RGS7: variants seen among roughly 807,000 people sequenced by gnomAD.
The protein encoded by RGS7 is regulator of G-protein signaling 7.
Under a neutral mutation model 81.1 loss-of-function variants are expected in RGS7, and 27 were observed. That is an observed-to-expected ratio of 0.33 (90% CI 0.25 to 0.46). RGS7 has a LOEUF of 0.46. Among genes scored for constraint, RGS7 ranks in the 20% least tolerant of loss-of-function variants. The pLI, the probability that RGS7 is intolerant of heterozygous loss-of-function variation, is 1.00. For missense variants in RGS7, 396 were observed against 607.4 expected (o/e 0.65, Z 3.66); for synonymous variants, 208 against 207.7 (o/e 1.00, Z -0.01).
intron 2 of RGS7, among the ~76,000 whole-genome samples, chr1:241,247,679 A>G (rs1402752652): frequency 6.6e-6 from 1 of 152,142 alleles, no homozygotes; most frequent in Non-Finnish European, 1.5e-5. Flanking sequence ...CCTGGGGACT[A>G]ACCAAGGTTC....
intron 2 of RGS7, among the ~76,000 whole-genome samples, chr1:241,330,914 C>G (rs1258916097): frequency 6.6e-6 from 1 of 152,244 alleles, no homozygotes; most frequent in Non-Finnish European, 1.5e-5. Flanking sequence ...AACCTGCACA[C>G]ATACCCCCTA....
At chr1:240,817,819 T>A (rs1048808385) in intron 10 of RGS7, among the ~76,000 whole-genome samples, 3 of 152,198 alleles carry the variant, frequency 2.0e-5, no homozygotes, top group Non-Finnish European at 4.4e-5. Context: ...GCCAGGCTGG[T>A]CTTGAACTCC....
At chr1:241,073,215 C>T (rs1032872117) in intron 3 of RGS7, among the ~76,000 whole-genome samples, 1 of 152,222 alleles carries the variant, frequency 6.6e-6, no homozygotes, top group African/African-American at 2.4e-5. Flanking sequence ...TTCCTTCTGT[C>T]CTGTTCTCCT....
chr1:241,301,188 G>A, intron 2 of RGS7, among the ~76,000 whole-genome samples: 1 of 152,202 alleles, frequency 6.6e-6, no homozygotes, highest in Non-Finnish European at 1.5e-5. Flanking sequence ...ATTCTACCCT[G>A]CAGAGCTACT....
intron 3 of RGS7, among the ~76,000 whole-genome samples, chr1:241,072,501 C>T (rs1266815520): frequency 6.6e-6 from 1 of 152,140 alleles, no homozygotes; most frequent in Non-Finnish European, 1.5e-5. Context: ...GGAATTTTCC[C>T]CCTCGCCCTT....
chr1:241,113,454 G>A (rs867579213), intron 2 of RGS7, among the ~76,000 whole-genome samples: 22 of 152,288 alleles, frequency 1.4e-4, no homozygotes, highest in African/African-American at 4.8e-4. Context: ...CACCAGCCAA[G>A]AGGACCCTGT....
At chr1:241,247,164 C>T (rs1273327838) in intron 2 of RGS7, among the ~76,000 whole-genome samples, 1 of 152,114 alleles carries the variant, frequency 6.6e-6, no homozygotes, top group African/African-American at 2.4e-5. Context: ...TCTTTCAAAA[C>T]AAGGACCTAT....
chr1:240,784,041 G>A lies in RGS7; in HGVS notation c.*7-7828C>T, dbSNP rs558905320. 2.0e-4 allele frequency among the ~76,000 whole-genome samples: 26 copies of A among 128,254 alleles called. No individual in the cohort carries two copies. The South Asian group carries it at 5.2e-3, about 26-fold the overall frequency. The allele number at this position is 128,254 out of a possible 152,430, so 84.1% of individuals were successfully genotyped here. On this transcript the variant is annotated intron_variant, in intron 18 of 18. Coordinates refer to ENST00000440928, the MANE Select transcript of RGS7 (RefSeq NM_001364886.1). ...AAAAAAAAAAAAAAAAAAAAAAATA[G>A]CCGAGTATCGTGGCAGGTGCCTGTA...
intron 2 of RGS7, among the ~76,000 whole-genome samples, chr1:241,147,150 G>A (rs2068371399): frequency 6.6e-6 from 1 of 151,922 alleles, no homozygotes; most frequent in Non-Finnish European, 1.5e-5. Context: ...ACACACACAC[G>A]ACTCCATTTT....
chr1:240,804,100 C>T (rs1251754775), intron 15 of RGS7, among the ~76,000 whole-genome samples: 1 of 152,152 alleles, frequency 6.6e-6, no homozygotes, highest in Non-Finnish European at 1.5e-5. Context: ...CACATTCTAC[C>T]TTGCTCAAGA....
chr1:241,162,024 C>G (rs892004255), intron 2 of RGS7, among the ~76,000 whole-genome samples: 8 of 152,050 alleles, frequency 5.3e-5, no homozygotes, highest in Non-Finnish European at 1.2e-4. Flanking sequence ...GCCAACTGTT[C>G]TATTGTTAAA....
chr1:241,139,709 G>A (rs2067790746), intron 2 of RGS7, among the ~76,000 whole-genome samples: 1 of 152,078 alleles, frequency 6.6e-6, no homozygotes, highest in Non-Finnish European at 1.5e-5. Context: ...AGTGTTTAGT[G>A]GTATCTCACT....
At chr1:240,858,676 T>C (rs950397074) in intron 9 of RGS7, among the ~76,000 whole-genome samples, 6 of 152,238 alleles carry the variant, frequency 3.9e-5, no homozygotes, top group African/African-American at 1.4e-4. Context: ...TGAATTCTCA[T>C]AACATCTTTT....
intron 2 of RGS7, among the ~76,000 whole-genome samples, chr1:241,147,833 C>T (rs1488035745): frequency 1.4e-5 from 1 of 70,424 alleles, no homozygotes; most frequent in Non-Finnish European, 2.8e-5. Context: ...AGAATCAATG[C>T]AATATCATAT....
At chr1:240,780,341 G>A (rs1339520354) in intron 18 of RGS7, among the ~76,000 whole-genome samples, 3 of 151,028 alleles carry the variant, frequency 2.0e-5, no homozygotes, top group East Asian at 3.9e-4. Context: ...CAGCTACTCG[G>A]GAGGTGGGAG....
chr1:240,803,995 T>C (rs142612898), intron 15 of RGS7, among the ~76,000 whole-genome samples: 1 of 152,172 alleles, frequency 6.6e-6, no homozygotes, highest in African/African-American at 2.4e-5. Context: ...CTTAGCCCAA[T>C]GGTGATCTTC....
chr1:241,279,995 T>C (rs981377063), intron 2 of RGS7, among the ~76,000 whole-genome samples: 9 of 152,076 alleles, frequency 5.9e-5, no homozygotes, highest in African/African-American at 1.2e-4. Context: ...CAGTTTGGGG[T>C]TTTTTGTGGG....
chr1:240,983,685 C>T (rs970452454), intron 3 of RGS7, among the ~76,000 whole-genome samples: 2 of 152,182 alleles, frequency 1.3e-5, no homozygotes, highest in African/African-American at 2.4e-5. Context: ...TGCCTTGGCC[C>T]TTCCCCTCGT....
chr1:241,224,499 A>T, intron 2 of RGS7, among the ~76,000 whole-genome samples: 1 of 152,010 alleles, frequency 6.6e-6, no homozygotes, highest in African/African-American at 2.4e-5. Context: ...TCTATTATTG[A>T]TGGACATTTA....
Sources: allele counts gnomAD v4.1 joint callset (sites outside exome capture counted in the v4.1 genomes callset), GRCh38; gene constraint gnomAD v4.1.1; transcripts MANE v1.5; gene names NCBI Gene and HGNC (gene_info 2026-07-23, HGNC 2026-07-21).